The following CCDC182 variants were observed in gnomAD, a reference collection of about 807,000 sequenced individuals.
CCDC182 encodes the protein coiled-coil domain containing 182.
CCDC182 carries 1 observed loss-of-function variant against 4.6 expected under a neutral mutation model. The ratio of observed to expected loss-of-function variants is 0.22; its 90% CI spans 0.08 to 1.02. The LOEUF (loss-of-function observed/expected upper bound fraction) is 1.02, where lower values mean the gene tolerates loss of function less well. Among genes scored for constraint, CCDC182 ranks in the 50% least tolerant of loss-of-function variants. The pLI is 0.58. For missense variants in CCDC182, 209 were observed against 196.8 expected (o/e 1.06, Z -0.37); for synonymous variants, 82 against 83.9 (o/e 0.98, Z 0.12).
At position 57,744,820 on chromosome 17, in the gene CCDC182, C is replaced by T; in HGVS notation, c.453G>A (p.Gln151=). The change falls in exon 1 of 1, where the codon CAG becomes CAA. Residue 151 remains glutamine (Q), a synonymous_variant. Coordinates refer to ENST00000299415, the MANE Select transcript of CCDC182 (RefSeq NM_001282544.2). ...RDALRATKKS[Q]AD is the part of the protein sequence containing the mutation. ...GTGCCACCCACGAGGTTCAGTCAGC[C>T]TGGCTCTTCTTGGTGGCACGCAGGG... 2.0e-6 allele frequency: 3 copies of T among 1,536,060 alleles called. No individual in the cohort carries two copies. Among genetic ancestry groups the T allele is most frequent in the Non-Finnish European group, 2.6e-6 (3 of 1,136,866 alleles).
Position 57,745,213 on chromosome 17 carries a change from T to C in CCDC182, c.60A>G (p.Lys20=). ...ILMTVNTLQG[K]KMIESGLQSG... ...ACTGGAGGCCACTCTCTATCATTTT[T>C]TTCCCCTGTAGGGTATTCACCGTCA... The change falls in exon 1 of 1, where the codon AAA becomes AAG. Residue 20 remains lysine, a synonymous_variant. Coordinates refer to ENST00000299415, the MANE Select transcript of CCDC182 (RefSeq NM_001282544.2). 6.4e-7 allele frequency: 1 copy of C among 1,550,676 alleles called. No homozygotes were observed. Among genetic ancestry groups the C allele is most frequent in the Non-Finnish European group, 8.7e-7 (1 of 1,146,998 alleles).
rs1567992710 is a variant in CCDC182 at position 57,745,031 on chromosome 17, C to T, written c.242G>A (p.Cys81Tyr). 1 of 1,551,048 alleles carries T rather than the reference C, an allele frequency of 6.4e-7. No individual in the cohort carries two copies. The highest frequency in any genetic ancestry group is 8.7e-7 in the Non-Finnish European group (1 of 1,147,080). The change falls in exon 1 of 1, where the codon TGC becomes TAC. Residue 81 changes from cysteine to tyrosine, a missense_variant. Coordinates refer to ENST00000299415, the MANE Select transcript of CCDC182 (RefSeq NM_001282544.2). ...KSIHYLEDAF[C>Y]EMNGALVQQE... is the part of the protein sequence containing the mutation. Reference sequence around the variant, plus strand: ...TTGCACCAGGGCTCCATTCATCTCGCAGAAGGCGTCTTCAAGGTAATGAAT... The same window carrying T: ...TTGCACCAGGGCTCCATTCATCTCGTAGAAGGCGTCTTCAAGGTAATGAAT...
chr17:57,744,626 GCTGGATA>G lies in CCDC182; in HGVS notation c.*178_*184del, dbSNP rs1178814064. The G allele has an allele frequency of 1.7e-6, 1 of 589,514 alleles. No individual in the cohort carries two copies. The highest frequency in any genetic ancestry group is 3.0e-6 in the Non-Finnish European group (1 of 330,936). The allele number at this position is 589,514 out of a possible 1,614,324, so 36.5% of individuals were successfully genotyped here. A position where few individuals can be genotyped will look rare whatever the true frequency, so the allele number is the denominator to read the frequency against. On this transcript the variant is annotated 3_prime_UTR_variant, in exon 1 of 1. Coordinates refer to ENST00000299415, the MANE Select transcript of CCDC182 (RefSeq NM_001282544.2). ...CTGGGGTGCCTCCTTCCTTTAGAAT[GCTGGATA>G]AATGGAATTTCACCAAAAAAAATAT...
chr17:57,744,877 C>T lies in CCDC182; in HGVS notation c.396G>A (p.Leu132=). 1 of 1,550,486 alleles carries T rather than the reference C, an allele frequency of 6.4e-7. No homozygotes were observed. The highest frequency in any genetic ancestry group is 1.2e-5 in the South Asian group (1 of 84,054). ...GTCCCCTGTCCAGCAGCAGGTCCTC[C>T]AGCCGCTTGCAGTGCTCCCGGAGCT... ...EKQLREHCKR[L]EDLLLDRGRD... The change falls in exon 1 of 1, where the codon CTG becomes CTA. Residue 132 remains leucine, a synonymous_variant. Coordinates refer to ENST00000299415, the MANE Select transcript of CCDC182 (RefSeq NM_001282544.2).
rs1205828078 is a variant in CCDC182 at position 57,744,914 on chromosome 17, G to A, written c.359C>T (p.Pro120Leu). ...GTGCTCCCGGAGCTGTTTCTCGCGCGGCAACAGGAAGGTGAGAACCTTGTT... is the reference window on the plus strand; with the variant it reads ...GTGCTCCCGGAGCTGTTTCTCGCGCAGCAACAGGAAGGTGAGAACCTTGTT... ...VRNKVLTFLL[P>L]REKQLREHCK... The change falls in exon 1 of 1, where the codon CCG becomes CTG. Residue 120 changes from proline (P) to leucine (L), a missense_variant. By Grantham distance (98) the Pro-to-Leu change is moderately conservative. Transcript: ENST00000299415. 3.2e-6 allele frequency: 5 copies of A among 1,550,538 alleles called. No individual in the cohort carries two copies. The highest frequency in any genetic ancestry group is 2.4e-5 in the East Asian group (1 of 40,924).
chr17:57,744,557 C>A lies in CCDC182; in HGVS notation c.*254G>T. 2.2e-6 allele frequency: 1 copy of A among 459,036 alleles called. No homozygotes were observed. The highest frequency in any genetic ancestry group is 3.9e-6 in the Non-Finnish European group (1 of 256,034). The allele number at this position is 459,036 out of a possible 1,614,324, so 28.4% of individuals were successfully genotyped here. A position where few individuals can be genotyped will look rare whatever the true frequency, so the allele number is the denominator to read the frequency against. ...CATTGAGCAATAGTACCATTACAAA[C>A]AGGAAAACAGTTCAAGTGAAAGTTA... On this transcript the variant is annotated 3_prime_UTR_variant, in exon 1 of 1. Transcript: ENST00000299415.
chr17:57,745,168 G>A lies in CCDC182; in HGVS notation c.105C>T (p.Ser35=). 6 of 1,550,620 alleles carry A rather than the reference G, an allele frequency of 3.9e-6. No homozygotes were observed. Among genetic ancestry groups the A allele is most frequent in the Non-Finnish European group, 5.2e-6 (6 of 1,146,978 alleles). ...GTGGGAGGCAGGAGGGCCATGACTGGGACAGGGAAAAGTCTCCAGACTGGA... is the reference window on the plus strand; with the variant it reads ...GTGGGAGGCAGGAGGGCCATGACTGAGACAGGGAAAAGTCTCCAGACTGGA... ...SGLQSGDFSL[S]QSWPSCLPPP... The change falls in exon 1 of 1, where the codon TCC becomes TCT. Residue 35 remains serine (S), a synonymous_variant. Transcript: ENST00000299415.
rs2073269916 is a variant in CCDC182, at chr17:57,744,890, T to C, written c.383A>G (p.His128Arg). The C allele has an allele frequency of 6.4e-7, 1 of 1,550,570 alleles. No homozygotes were observed. Among genetic ancestry groups the C allele is most frequent in the East Asian group, 2.4e-5 (1 of 40,918 alleles). The change falls in exon 1 of 1, where the codon CAC (histidine) becomes CGC (arginine). Residue 128 changes from histidine to arginine, a missense_variant. Transcript: ENST00000299415. ...CAGCAGGTCCTCCAGCCGCTTGCAG[T>C]GCTCCCGGAGCTGTTTCTCGCGCGG... ...LLPREKQLRE[H>R]CKRLEDLLLD... is the part of the protein sequence containing the mutation.
Position 57,745,264 on chromosome 17 carries a change from G to C in CCDC182, c.9C>G (p.Pro3=), listed in dbSNP as rs1304455958. The change falls in exon 1 of 1, where the codon CCC becomes CCG. Residue 3 remains proline (P), a synonymous_variant. Coordinates refer to ENST00000299415, the MANE Select transcript of CCDC182 (RefSeq NM_001282544.2). ME[P]LYQAGSILMT... ...TGAGAATGGACCCAGCCTGGTAGAG[G>C]GGTTCCATTGTCTCTTCTACGTTGG... The C allele has an allele frequency of 1.9e-6, 3 of 1,540,186 alleles. No homozygotes were observed. In the East Asian group the frequency reaches 7.4e-5, roughly 38 times the overall value.
chr17:57,745,067 G>A lies in CCDC182; in HGVS notation c.206C>T (p.Ala69Val). 1 of 1,550,972 alleles carries A rather than the reference G, an allele frequency of 6.4e-7. No homozygotes were observed. The highest frequency in any genetic ancestry group is 8.7e-7 in the Non-Finnish European group (1 of 1,147,060). ...QRELEDFKKEALKSIHYLEDA... is the reference protein window; with the variant it reads ...QRELEDFKKEVLKSIHYLEDA... ...TTCAAGGTAATGAATGGACTTCAAT[G>A]CCTCTTTCTTAAAGTCCTCCAGTTC... Residue 69 changes from alanine to valine, a missense_variant, in exon 1 of 1, where the codon GCA becomes GTA. By Grantham distance (64) the Ala-to-Val change is moderately conservative (BLOSUM62 0). Transcript: ENST00000299415.
In CCDC182 at chr17:57,744,534, T is replaced by C; in HGVS notation, c.*277A>G. 1 of 395,010 alleles carries C rather than the reference T, an allele frequency of 2.5e-6. No individual in the cohort carries two copies. Among genetic ancestry groups the C allele is most frequent in the Non-Finnish European group, 4.6e-6 (1 of 218,004 alleles). 24.5% of individuals were successfully genotyped at this position (395,010 alleles called of 1,614,324 possible). A position where few individuals can be genotyped will look rare whatever the true frequency, so the allele number is the denominator to read the frequency against. On this transcript the variant is annotated 3_prime_UTR_variant, in exon 1 of 1. Coordinates refer to ENST00000299415, the MANE Select transcript of CCDC182 (RefSeq NM_001282544.2). ...TACTATACAAATAAAGAGGTATACA[T>C]TGAGCAATAGTACCATTACAAACAG...
In CCDC182 at chr17:57,744,861, C is replaced by A. The variant is rs1480035547; in HGVS notation, c.412G>T (p.Asp138Tyr). ...HCKRLEDLLL[D>Y]RGRDALRATK... ...GCACGCAGGGCGTCACGTCCCCTGTCCAGCAGCAGGTCCTCCAGCCGCTTG... is the reference window on the plus strand; with the variant it reads ...GCACGCAGGGCGTCACGTCCCCTGTACAGCAGCAGGTCCTCCAGCCGCTTG... The change falls in exon 1 of 1, where the codon GAC becomes TAC. Residue 138 changes from aspartate (D) to tyrosine (Y), a missense_variant. Coordinates refer to ENST00000299415, the MANE Select transcript of CCDC182 (RefSeq NM_001282544.2). 1 of 1,549,924 alleles carries A rather than the reference C, an allele frequency of 6.5e-7. No homozygotes were observed. Among genetic ancestry groups the A allele is most frequent in the Non-Finnish European group, 8.7e-7 (1 of 1,146,584 alleles).
rs2073267755 is a variant in CCDC182, at chr17:57,744,634, A to C, written c.*177T>G. The C allele has an allele frequency of 1.7e-6, 1 of 596,032 alleles. No individual in the cohort carries two copies. The highest frequency in any genetic ancestry group is 1.9e-5 in the African/African-American group (1 of 53,832). 36.9% of individuals were successfully genotyped at this position (596,032 alleles called of 1,614,324 possible). ...CCTCCTTCCTTTAGAATGCTGGATA[A>C]ATGGAATTTCACCAAAAAAAATATT... is the stretch of plus-strand genomic sequence containing the variant. On this transcript the variant is annotated 3_prime_UTR_variant, in exon 1 of 1. Transcript: ENST00000299415.
Position 57,744,657 on chromosome 17 carries a change from A to G in CCDC182, c.*154T>C, listed in dbSNP as rs1424118500. ...TAAATGGAATTTCACCAAAAAAAATATTGAAGTCTTTTTGCCTCTCAGCAA... is the reference window on the plus strand; with the variant it reads ...TAAATGGAATTTCACCAAAAAAAATGTTGAAGTCTTTTTGCCTCTCAGCAA... On this transcript the variant is annotated 3_prime_UTR_variant, in exon 1 of 1. Coordinates refer to ENST00000299415, the MANE Select transcript of CCDC182 (RefSeq NM_001282544.2). 1 of 611,234 alleles carries G rather than the reference A, an allele frequency of 1.6e-6. No individual in the cohort carries two copies. The highest frequency in any genetic ancestry group is 2.9e-6 in the Non-Finnish European group (1 of 344,310). The allele number at this position is 611,234 out of a possible 1,614,324, so 37.9% of individuals were successfully genotyped here. A position where few individuals can be genotyped will look rare whatever the true frequency, so the allele number is the denominator to read the frequency against.
chr17:57,745,278 C>T lies in CCDC182; in HGVS notation c.-6G>A, dbSNP rs753692747. ...GCCTGGTAGAGGGGTTCCATTGTCT[C>T]TTCTACGTTGGACAAAGAGAGGAAG... On this transcript the variant is annotated 5_prime_UTR_variant, in exon 1 of 1. Coordinates refer to ENST00000299415, the MANE Select transcript of CCDC182 (RefSeq NM_001282544.2). 1.2e-4 allele frequency: 184 copies of T among 1,525,332 alleles called. No homozygotes were observed. Among genetic ancestry groups the T allele is most frequent in the Non-Finnish European group, 1.2e-4 (132 of 1,130,082 alleles). 94.5% of individuals were successfully genotyped at this position (1,525,332 alleles called of 1,614,324 possible). A position where few individuals can be genotyped will look rare whatever the true frequency, so the allele number is the denominator to read the frequency against.
Position 57,744,821 on chromosome 17 carries a change from TG to T in CCDC182, c.451del (p.Gln151ArgfsTer10). ...TGCCACCCACGAGGTTCAGTCAGCC[TG>T]GCTCTTCTTGGTGGCACGCAGGGCG... Reference protein sequence around the residue: ...RDALRATKKSQAD With the variant: ...RDALRATKKSXAD On this transcript the variant is annotated frameshift_variant, in exon 1 of 1. Transcript: ENST00000299415. LOFTEE classifies it high-confidence loss of function. 1 of 1,536,472 alleles carries T rather than the reference TG, an allele frequency of 6.5e-7. No individual in the cohort carries two copies. The highest frequency in any genetic ancestry group is 8.8e-7 in the Non-Finnish European group (1 of 1,137,078).
In CCDC182 at chr17:57,745,101, C is replaced by A; in HGVS notation, c.172G>T (p.Val58Leu). 4 of 1,550,864 alleles carry A rather than the reference C, an allele frequency of 2.6e-6. No individual in the cohort carries two copies. Among genetic ancestry groups the A allele is most frequent in the Non-Finnish European group, 3.5e-6 (4 of 1,147,038 alleles). Residue 58 changes from valine to leucine, a missense_variant, in exon 1 of 1, where the codon GTG (valine) becomes TTG (leucine). Transcript: ENST00000299415. ...LEILQQKVAG[V>L]QRELEDFKKE... ...TTAAAGTCCTCCAGTTCCCGTTGCACCCCGGCCACCTTCTGCTGCAGGATC... is the reference window on the plus strand; with the variant it reads ...TTAAAGTCCTCCAGTTCCCGTTGCAACCCGGCCACCTTCTGCTGCAGGATC...
Position 57,745,033 on chromosome 17 carries a change from G to C in CCDC182, c.240C>G (p.Phe80Leu). The part of the protein sequence containing the change: ...LKSIHYLEDA[F>L]CEMNGALVQQ... ...GCACCAGGGCTCCATTCATCTCGCAGAAGGCGTCTTCAAGGTAATGAATGG... is the reference window on the plus strand; with the variant it reads ...GCACCAGGGCTCCATTCATCTCGCACAAGGCGTCTTCAAGGTAATGAATGG... The change falls in exon 1 of 1, where the codon TTC becomes TTG. Residue 80 changes from phenylalanine (F) to leucine (L), a missense_variant. Transcript: ENST00000299415. 1 of 1,551,032 alleles carries C rather than the reference G, an allele frequency of 6.4e-7. No homozygotes were observed. Among genetic ancestry groups the C allele is most frequent in the Non-Finnish European group, 8.7e-7 (1 of 1,147,080 alleles).
chr17:57,744,851 CGTCCCCT>C lies in CCDC182; in HGVS notation c.415_421del (p.Arg139ValfsTer20). On this transcript the variant is annotated frameshift_variant, in exon 1 of 1. Transcript: ENST00000299415. LOFTEE classifies it low-confidence loss of function (END_TRUNC). ...CTTCTTGGTGGCACGCAGGGCGTCA[CGTCCCCT>C]GTCCAGCAGCAGGTCCTCCAGCCGC... The C allele has an allele frequency of 1.0e-5, 16 of 1,548,056 alleles. No individual in the cohort carries two copies. Among genetic ancestry groups the C allele is most frequent in the Non-Finnish European group, 1.3e-5 (15 of 1,145,252 alleles).
Sources: gnomAD v4.1 joint callset for allele counts on GRCh38, gnomAD v4.1.1 for gene constraint, MANE v1.5 for transcripts, NCBI Gene and HGNC (gene_info 2026-07-23, HGNC 2026-07-21) for gene names.